The following A1BG variants were observed in gnomAD, a reference collection of about 807,000 sequenced individuals.
A1BG encodes the protein alpha-1B-glycoprotein.
In A1BG, 44 loss-of-function variants were observed where a neutral mutation model predicts 46.0. That is an observed-to-expected ratio of 0.96 (90% confidence interval 0.75 to 1.23). A1BG has a LOEUF of 1.23. Among genes scored for constraint, A1BG ranks in the 50% most tolerant of loss-of-function variants. The probability of loss-of-function intolerance (pLI) is 0.00; values close to 1 mark genes in which losing one functional copy is unlikely to be tolerated. For synonymous variants in A1BG, 316 were observed against 314.7 expected (o/e 1.00, Z -0.04); for missense variants, 707 against 688.8 (o/e 1.03, Z -0.30).
At position 58,345,269 on chromosome 19, in the gene A1BG, G is replaced by C. The variant is rs1260212843; in HGVS notation, c.*1753C>G. On this transcript the variant is annotated 3_prime_UTR_variant, in exon 8 of 8. Transcript: ENST00000263100. ...TATAGATGGCAACTAAGCACTTGGG[G>C]AAAAAATGCTTAACATCATCAGACA... The C allele has an allele frequency of 2.0e-5, 3 of 152,072 alleles. No homozygotes were observed. The highest frequency in any genetic ancestry group is 7.3e-5 in the African/African-American group (3 of 41,348). 9.4% of individuals were successfully genotyped at this position (152,072 alleles called of 1,614,324 possible).
At chr19:58,347,281 T>C in intron 7 of A1BG, 72 bp downstream of exon 7, 1 of 1,593,564 alleles carries the variant, frequency 6.3e-7, no homozygotes, top group South Asian at 1.1e-5. Context: ...GGAGAGGCCC[T>C]CCTGGAGGTG....
intron 3 of A1BG, 54 bp downstream of exon 3, chr19:58,352,874 C>G: frequency 6.4e-7 from 1 of 1,557,784 alleles, no homozygotes; most frequent in Non-Finnish European, 8.6e-7. Context: ...GGGAGACCCC[C>G]CAGTCAACAA....
intron 6 of A1BG, chr19:58,349,529 T>C (rs1245787129): frequency 6.6e-6 from 1 of 151,718 alleles, no homozygotes; most frequent in African/African-American, 2.4e-5. Flanking sequence ...CATGCGCCTC[T>C]AATACCAGCT....
chr19:58,352,574 T>C lies in A1BG; in HGVS notation c.341-19A>G. On this transcript the variant is annotated intron_variant, in intron 3 of 7. Coordinates refer to ENST00000263100, the MANE Select transcript of A1BG (RefSeq NM_130786.4). ...AAGGACTCTGTGGGTGGGGTGGAGT[T>C]GAAGAGTGCTTCTGCATAACAGGAG... The C allele has an allele frequency of 6.2e-7, 1 of 1,600,228 alleles. No individual in the cohort carries two copies. The highest frequency in any genetic ancestry group is 8.5e-7 in the Non-Finnish European group (1 of 1,177,742).
At chr19:58,347,665 G>A (rs923640653) in intron 6 of A1BG, 25 bp from the exon 7 acceptor site, 4 of 1,230,478 alleles carry the variant, frequency 3.3e-6, no homozygotes, top group Non-Finnish European at 4.2e-6. Flanking sequence ...CGGGTGGTCG[G>A]GCCAGGCCAC....
At chr19:58,349,349 G>A (rs2051937140) in intron 6 of A1BG, among the ~76,000 whole-genome samples, 1 of 151,994 alleles carries the variant, frequency 6.6e-6, no homozygotes. Context: ...TGTGGATGGT[G>A]GCTTATAACA....
chr19:58,347,725 C>T, intron 6 of A1BG, 85 bp from the exon 7 acceptor site: 2 of 837,296 alleles, frequency 2.4e-6, no homozygotes, highest in Non-Finnish European at 3.2e-6. Flanking sequence ...CCAGGCCGCG[C>T]CCGCGCCTGC....
In A1BG at chr19:58,350,978, C is replaced by T. The variant is rs954875410; in HGVS notation, c.911-327G>A. 7.0e-6 allele frequency: 3 copies of T among 425,574 alleles called. No individual in the cohort carries two copies. In the East Asian group the frequency reaches 1.2e-4, roughly 16 times the overall value. 26.4% of individuals were successfully genotyped at this position (425,574 alleles called of 1,614,324 possible). A position where few individuals can be genotyped will look rare whatever the true frequency, so the allele number is the denominator to read the frequency against. ...TGCTCCACGAGCGTCTTCTGAGCACCGCCCCAATGCCCGCCCCACGGAGGG... is the reference window on the plus strand; with the variant it reads ...TGCTCCACGAGCGTCTTCTGAGCACTGCCCCAATGCCCGCCCCACGGAGGG... On this transcript the variant is annotated intron_variant, in intron 5 of 7. Transcript: ENST00000263100.
chr19:58,350,546 T>G lies in A1BG; in HGVS notation c.1016A>C (p.Glu339Ala). Reference sequence around the variant, plus strand: ...GTGCACGCGGCGCCCGCCCCTGTCCTCGCGCACCAGGGCGAAGCGCGCGCC... The same window carrying G: ...GTGCACGCGGCGCCCGCCCCTGTCCGCGCGCACCAGGGCGAAGCGCGCGCC... Reference protein sequence around the residue: ...LEGARFALVREDRGGRRVHRF... With the variant: ...LEGARFALVRADRGGRRVHRF... Residue 339 changes from glutamate to alanine, a missense_variant, in exon 6 of 8, where the codon GAG (glutamate) becomes GCG (alanine). Glu to Ala is a moderately radical substitution (Grantham distance 107). Transcript: ENST00000263100. 1 of 1,548,350 alleles carries G rather than the reference T, an allele frequency of 6.5e-7. No individual in the cohort carries two copies. The highest frequency in any genetic ancestry group is 8.7e-7 in the Non-Finnish European group (1 of 1,145,988).
At chr19:58,352,756 C>A (rs554934153) in intron 3 of A1BG, 172 bp downstream of exon 3, 67 of 1,185,154 alleles carry the variant, frequency 5.7e-5, no homozygotes, top group Non-Finnish European at 7.1e-5. Context: ...GCATGCCGGG[C>A]CTGCTGGGGA....
Position 58,351,560 on chromosome 19 carries a change from C to T in A1BG, c.741G>A (p.Glu247=). ...SGVDFQLRRG[E]KELLVPRSST... is the part of the protein sequence containing the mutation. Reference sequence around the variant, plus strand: ...TGCTCCTGGGTACCAGCAGCTCTTTCTCCCCGCGCCGTAGCTGGAAGTCCA... The same window carrying T: ...TGCTCCTGGGTACCAGCAGCTCTTTTTCCCCGCGCCGTAGCTGGAAGTCCA... The change falls in exon 5 of 8, where the codon GAG becomes GAA. Residue 247 remains glutamate, a synonymous_variant. Coordinates refer to ENST00000263100, the MANE Select transcript of A1BG (RefSeq NM_130786.4). 6 of 1,613,964 alleles carry T rather than the reference C, an allele frequency of 3.7e-6. No homozygotes were observed. Among genetic ancestry groups the T allele is most frequent in the Non-Finnish European group, 5.1e-6 (6 of 1,180,034 alleles).
intron 7 of A1BG, 140 bp downstream of exon 7, chr19:58,347,213 T>C: frequency 7.2e-7 from 1 of 1,382,292 alleles, no homozygotes; most frequent in Non-Finnish European, 9.8e-7. Context: ...CGCCCGCAAT[T>C]CCCCCACGAG....
At chr19:58,352,140 C>A (rs2051965702) in intron 4 of A1BG, 143 bp downstream of exon 4, 2 of 1,494,648 alleles carry the variant, frequency 1.3e-6, no homozygotes, top group South Asian at 1.4e-5. Context: ...TCCTTTGCAA[C>A]CATCAGACCC....
chr19:58,351,365 C>A, intron 5 of A1BG, 26 bp downstream of exon 5: 1 of 1,603,300 alleles, frequency 6.2e-7, no homozygotes. Context: ...CCAGCCGCGT[C>A]CCTGTCCCTG....
At chr19:58,350,246 G>A in intron 6 of A1BG, 124 bp downstream of exon 6, 1 of 1,248,468 alleles carries the variant, frequency 8.0e-7, no homozygotes, top group Admixed American at 3.1e-5. Context: ...GCCGGGGTAG[G>A]CGATGGGGGC....
intron 6 of A1BG, 49 bp downstream of exon 6, chr19:58,350,321 G>T: frequency 6.7e-7 from 1 of 1,497,698 alleles, no homozygotes; most frequent in Non-Finnish European, 8.9e-7. Flanking sequence ...AGGAGGCCCC[G>T]AGGGGCACTG....
Position 58,350,931 on chromosome 19 carries a change from C to T in A1BG, c.911-280G>A, listed in dbSNP as rs2051952401. ...TGTGCATGGCTTGATGCCTGGTGCA[C>T]GATGCCGCTCAGTAGTGGATTTGCT... On this transcript the variant is annotated intron_variant, in intron 5 of 7. Coordinates refer to ENST00000263100, the MANE Select transcript of A1BG (RefSeq NM_130786.4). 7 of 427,548 alleles carry T rather than the reference C, an allele frequency of 1.6e-5. No individual in the cohort carries two copies. In the South Asian group the frequency reaches 3.3e-4, roughly 20 times the overall value. 26.5% of individuals were successfully genotyped at this position (427,548 alleles called of 1,614,324 possible).
intron 6 of A1BG, chr19:58,349,484 C>T (rs1186920351): frequency 6.6e-6 from 1 of 151,782 alleles, no homozygotes; most frequent in Non-Finnish European, 1.5e-5. Context: ...AACCCGGTCT[C>T]TACTAAAAAT....
At position 58,346,896 on chromosome 19, in the gene A1BG, G is replaced by A. The variant is rs2051916703; in HGVS notation, c.*126C>T. ...CTTCACATTTATTAATTCCTGGGAG[G>A]AATGAGGGAGGCTTCTCCAGCCCCC... On this transcript the variant is annotated 3_prime_UTR_variant, in exon 8 of 8. Transcript: ENST00000263100. 9.3e-6 allele frequency: 9 copies of A among 972,022 alleles called. No individual in the cohort carries two copies. The highest frequency in any genetic ancestry group is 1.5e-5 in the Non-Finnish European group (9 of 594,386). The allele number at this position is 972,022 out of a possible 1,614,324, so 60.2% of individuals were successfully genotyped here. A position where few individuals can be genotyped will look rare whatever the true frequency, so the allele number is the denominator to read the frequency against.
Sources: allele counts gnomAD v4.1 joint callset (sites outside exome capture counted in the v4.1 genomes callset), GRCh38; gene constraint gnomAD v4.1.1; transcripts MANE v1.5; gene names NCBI Gene and HGNC (gene_info 2026-07-23, HGNC 2026-07-21).